Variants in RCOR1 observed in about 807,000 individuals in gnomAD.
RCOR1 encodes the protein REST corepressor.
A neutral mutation model predicts 64.0 loss-of-function variants in RCOR1; 12 were observed. That is an observed-to-expected ratio of 0.19 (90% CI 0.12 to 0.30). RCOR1 has a LOEUF of 0.30. RCOR1 is among the 10% of genes least tolerant of loss of function. RCOR1 has a pLI of 1.00. For synonymous variants in RCOR1, 279 were observed against 227.2 expected (o/e 1.23, Z -2.05); for missense variants, 502 against 621.2 (o/e 0.81, Z 2.04).
chr14:102,619,187 T>C (rs570411281), intron 2 of RCOR1, among the ~76,000 whole-genome samples: 1 of 152,222 alleles, frequency 6.6e-6, no homozygotes, highest in East Asian at 1.9e-4. Context: ...AATGATGCAA[T>C]CTTGGTTCAT....
intron 2 of RCOR1, among the ~76,000 whole-genome samples, chr14:102,633,375 G>C (rs548031047): frequency 3.9e-5 from 6 of 152,178 alleles, no homozygotes; most frequent in East Asian, 1.9e-4. Context: ...TTTATATAGA[G>C]ATGGGGTCTT....
At chr14:102,718,894 G>A (rs758071540) in intron 8 of RCOR1, among the ~76,000 whole-genome samples, 180 of 152,214 alleles carry the variant, frequency 1.2e-3, no homozygotes, top group Middle Eastern at 3.4e-3. Flanking sequence ...GGCTCAAGCA[G>A]TTGCCCACCT....
intron 2 of RCOR1, among the ~76,000 whole-genome samples, chr14:102,680,934 G>A (rs1595227585): frequency 6.6e-6 from 1 of 151,906 alleles, no homozygotes; most frequent in East Asian, 1.9e-4. Context: ...TCACACTTTG[G>A]GTCCTTTTCA....
intron 11 of RCOR1, among the ~76,000 whole-genome samples, chr14:102,723,279 A>G (rs917241402): frequency 6.6e-6 from 1 of 152,128 alleles, no homozygotes. Context: ...GTGTGCTACC[A>G]TTTTGCTCCA....
At chr14:102,653,979 CTTTCTTTTTTT>C (rs1894662527) in intron 2 of RCOR1, among the ~76,000 whole-genome samples, 2 of 22,076 alleles carry the variant, frequency 9.1e-5, no homozygotes, top group Non-Finnish European at 1.8e-4. Flanking sequence ...TTCTTTCTTT[CTTTCTTTTTTT>C]TTTTTTTTTT....
At chr14:102,624,773 G>GA (rs548109072) in intron 2 of RCOR1, among the ~76,000 whole-genome samples, 235 of 135,906 alleles carry the variant, frequency 1.7e-3, no homozygotes, top group South Asian at 7.4e-3. Context: ...CTCCTCCTCA[G>GA]AAAAAAAAAA....
intron 2 of RCOR1, among the ~76,000 whole-genome samples, chr14:102,636,439 C>T (rs1256718571): frequency 1.5e-4 from 22 of 151,630 alleles, no homozygotes; most frequent in South Asian, 2.1e-4. Flanking sequence ...CACCACACCC[C>T]GCTAACTTTT....
chr14:102,629,213 A>G (rs1338752245), intron 2 of RCOR1, among the ~76,000 whole-genome samples: 2 of 152,120 alleles, frequency 1.3e-5, no homozygotes, highest in African/African-American at 4.8e-5. Flanking sequence ...TGCCACGTGT[A>G]CTGAAATGTG....
intron 2 of RCOR1, among the ~76,000 whole-genome samples, chr14:102,672,070 C>CG (rs1274828252): frequency 3.9e-5 from 6 of 152,194 alleles, no homozygotes; most frequent in African/African-American, 1.2e-4. Flanking sequence ...TTTATTCAAT[C>CG]GGTTGATGGG....
At chr14:102,697,142 A>G (rs147711891) in intron 3 of RCOR1, among the ~76,000 whole-genome samples, 2 of 152,368 alleles carry the variant, frequency 1.3e-5, no homozygotes, top group African/African-American at 2.4e-5. Context: ...GCAGATGGCT[A>G]TATTCTGAGT....
intron 3 of RCOR1, among the ~76,000 whole-genome samples, chr14:102,699,557 C>A (rs979714313): frequency 4.6e-5 from 7 of 152,136 alleles, no homozygotes; most frequent in Admixed American, 4.6e-4. Context: ...AATCGCATGG[C>A]AAACTAAGTT....
chr14:102,728,993 T>C lies in RCOR1; in HGVS notation c.*2487T>C, dbSNP rs1262167896. The C allele has an allele frequency of 6.6e-6, 1 of 152,662 alleles. No homozygotes were observed. The highest frequency in any genetic ancestry group is 1.5e-5 in the Non-Finnish European group (1 of 68,040). The allele number at this position is 152,662 out of a possible 1,614,324, so 9.5% of individuals were successfully genotyped here. A position where few individuals can be genotyped will look rare whatever the true frequency, so the allele number is the denominator to read the frequency against. On this transcript the variant is annotated 3_prime_UTR_variant, in exon 12 of 12. Coordinates refer to ENST00000262241, the MANE Select transcript of RCOR1 (RefSeq NM_015156.4). ...ATTTATATGAAGACTTTTTAACATA[T>C]CAAGAATTAGGTGCATTGGCAGGTA... is the stretch of plus-strand genomic sequence containing the variant.
At chr14:102,699,559 A>G (rs1443517625) in intron 3 of RCOR1, among the ~76,000 whole-genome samples, 1 of 152,152 alleles carries the variant, frequency 6.6e-6, no homozygotes, top group Non-Finnish European at 1.5e-5. Context: ...TCGCATGGCA[A>G]ACTAAGTTGT....
At chr14:102,708,640 G>C (rs923686352) in intron 6 of RCOR1, 57 bp downstream of exon 6, 1 of 946,170 alleles carries the variant, frequency 1.1e-6, no homozygotes, top group African/African-American at 1.7e-5. Flanking sequence ...AAGAGCCCCA[G>C]ATACACAAAG....
At position 102,674,544 on chromosome 14, in the gene RCOR1, T is replaced by G. The variant is rs193132736; in HGVS notation, c.362-7351T>G. ...GACCAGCAATTTGAAAAACATTGCA[T>G]ATATATGTAGTCTAGAAATGGAATT... On this transcript the variant is annotated intron_variant, in intron 2 of 11. Transcript: ENST00000262241. Among the ~76,000 whole-genome samples, 149 of 152,314 alleles carry G rather than the reference T, an allele frequency of 9.8e-4. 1 individual carries two copies. The highest frequency in any genetic ancestry group is 6.2e-4 in the South Asian group (3 of 4,826).
intron 2 of RCOR1, among the ~76,000 whole-genome samples, chr14:102,629,448 C>A (rs12884793): frequency 0.65 from 97,212 of 149,396 alleles, 32,057 homozygotes; most frequent in South Asian, 0.72. Context: ...AGCCTCCCCC[C>A]CCCCCACCAC....
intron 3 of RCOR1, among the ~76,000 whole-genome samples, chr14:102,700,507 G>T (rs1256886924): frequency 1.3e-5 from 2 of 152,230 alleles, no homozygotes; most frequent in South Asian, 2.1e-4. Flanking sequence ...ACAGGCATGA[G>T]CTGCAGCATC....
chr14:102,711,414 G>A (rs1159203475), intron 7 of RCOR1, among the ~76,000 whole-genome samples: 1 of 152,238 alleles, frequency 6.6e-6, no homozygotes, highest in Non-Finnish European at 1.5e-5. Context: ...GGTGACTGCA[G>A]GGAGCTGGCA....
At chr14:102,634,313 C>T (rs964234815) in intron 2 of RCOR1, among the ~76,000 whole-genome samples, 1 of 152,028 alleles carries the variant, frequency 6.6e-6, no homozygotes, top group Non-Finnish European at 1.5e-5. Context: ...TTCAAGGCTT[C>T]AGTGAGCTAT....
Sources: gnomAD v4.1 joint callset for allele counts (sites outside exome capture counted in the v4.1 genomes callset) on GRCh38, gnomAD v4.1.1 for gene constraint, MANE v1.5 for transcripts, NCBI Gene and HGNC (gene_info 2026-07-23, HGNC 2026-07-21) for gene names.